The following WWOX variants were observed in gnomAD, a reference collection of about 807,000 sequenced individuals.
The protein encoded by WWOX is WW domain containing oxidoreductase.
A neutral mutation model predicts 46.2 loss-of-function variants in WWOX; 69 were observed. The observed-to-expected ratio is 1.49, with a 90% CI of 1.23 to 1.82. The LOEUF (loss-of-function observed/expected upper bound fraction) is 1.82. Ranked by LOEUF, WWOX falls within the 40% of genes most tolerant of loss-of-function variation. The pLI is 0.00. For synonymous variants in WWOX, 359 were observed against 202.6 expected, an observed-to-expected ratio of 1.77 and a Z score of -6.56; for missense variants, 919 against 542.6, an observed-to-expected ratio of 1.69 and a Z score of -6.89.
At chr16:78,798,743 ATGT>A (rs2050809444) in intron 8 of WWOX, among the ~76,000 whole-genome samples, 1 of 152,164 alleles carries the variant, frequency 6.6e-6, no homozygotes, top group Non-Finnish European at 1.5e-5. Flanking sequence ...ATGATAAATG[ATGT>A]TGTGTGTAAT....
intron 5 of WWOX, among the ~76,000 whole-genome samples, chr16:78,329,887 C>T (rs1830606323): frequency 6.6e-6 from 1 of 151,956 alleles, no homozygotes; most frequent in South Asian, 2.1e-4. Flanking sequence ...GCTGGGACTA[C>T]AGGCGTGTAC....
At chr16:78,992,068 C>A (rs1478658635) in intron 8 of WWOX, among the ~76,000 whole-genome samples, 2 of 152,170 alleles carry the variant, frequency 1.3e-5, no homozygotes, top group African/African-American at 2.4e-5. Flanking sequence ...TTAATTCGTT[C>A]ATTCTTGGAA....
chr16:78,257,983 C>T lies in WWOX; in HGVS notation c.516+93694C>T, dbSNP rs144855709. Among the ~76,000 whole-genome samples, 499 of 152,188 alleles carry T rather than the reference C, an allele frequency of 3.3e-3. 2 individuals carry two copies. The highest frequency in any genetic ancestry group is 0.011 in the African/African-American group (470 of 41,528). Reference sequence around the variant, plus strand: ...ATAAAATCTCACAAACTTTGTTTCCCAGAAAAACAACTATATTTAAATGCA... The same window carrying T: ...ATAAAATCTCACAAACTTTGTTTCCTAGAAAAACAACTATATTTAAATGCA... On this transcript the variant is annotated intron_variant, in intron 5 of 8. Coordinates refer to ENST00000566780, the MANE Select transcript of WWOX (RefSeq NM_016373.4).
chr16:78,766,532 G>A (rs957515758), intron 8 of WWOX, among the ~76,000 whole-genome samples: 4 of 152,186 alleles, frequency 2.6e-5, no homozygotes, highest in African/African-American at 9.6e-5. Context: ...AGGCTGAAGT[G>A]AGCTGTGATT....
chr16:78,849,415 CA>C (rs930313816), intron 8 of WWOX, among the ~76,000 whole-genome samples: 6 of 149,944 alleles, frequency 4.0e-5, no homozygotes, highest in African/African-American at 1.2e-4. Context: ...ATTAAAAATA[CA>C]AAAAAAAATT....
At chr16:78,486,550 T>C (rs1019925097) in intron 8 of WWOX, among the ~76,000 whole-genome samples, 1 of 131,248 alleles carries the variant, frequency 7.6e-6, no homozygotes, top group Non-Finnish European at 1.6e-5. Flanking sequence ...GTGTGTTTAA[T>C]TGACTTCCAG....
intron 8 of WWOX, among the ~76,000 whole-genome samples, chr16:78,667,431 G>A (rs1172528075): frequency 1.3e-5 from 2 of 152,104 alleles, no homozygotes. Context: ...AACACTTTGG[G>A]AGGCCGAGGC....
At chr16:78,420,594 C>T (rs566379580) in intron 6 of WWOX, among the ~76,000 whole-genome samples, 2 of 150,360 alleles carry the variant, frequency 1.3e-5, no homozygotes, top group Admixed American at 1.3e-4. Flanking sequence ...AGAAAGTACA[C>T]TGATGGTGTT....
At chr16:79,106,542 C>T (rs1253372816) in intron 8 of WWOX, 2 of 143,402 alleles carry the variant, frequency 1.4e-5, no homozygotes, top group Admixed American at 7.1e-5. Flanking sequence ...ATCAGATTTT[C>T]AAGAACTTCA....
intron 8 of WWOX, among the ~76,000 whole-genome samples, chr16:78,909,415 C>G (rs1004402018): frequency 3.3e-5 from 5 of 152,154 alleles, no homozygotes; most frequent in African/African-American, 1.2e-4. Context: ...ACCATAAACC[C>G]CACAGAAACA....
chr16:78,859,395 G>C (rs931965534), intron 8 of WWOX, among the ~76,000 whole-genome samples: 1 of 151,988 alleles, frequency 6.6e-6, no homozygotes, highest in South Asian at 2.1e-4. Context: ...GAGGTACCTT[G>C]CAGTACTTTT....
intron 8 of WWOX, among the ~76,000 whole-genome samples, chr16:79,009,437 G>C (rs1166159990): frequency 1.3e-5 from 2 of 151,968 alleles, no homozygotes; most frequent in African/African-American, 2.4e-5. Flanking sequence ...GGAGACACTG[G>C]GGCTTCTGTG....
chr16:78,847,159 G>C (rs571311323), intron 8 of WWOX, among the ~76,000 whole-genome samples: 26 of 152,092 alleles, frequency 1.7e-4, no homozygotes, highest in Non-Finnish European at 3.2e-4. Flanking sequence ...TGGAGGCTTG[G>C]TTCGTTTTAT....
At chr16:78,287,777 A>C (rs888035127) in intron 5 of WWOX, among the ~76,000 whole-genome samples, 2 of 152,078 alleles carry the variant, frequency 1.3e-5, no homozygotes, top group Non-Finnish European at 2.9e-5. Context: ...TAGGCTTCTA[A>C]TTTTTTTTCC....
chr16:78,952,179 C>A, intron 8 of WWOX, among the ~76,000 whole-genome samples: 1 of 152,024 alleles, frequency 6.6e-6, no homozygotes, highest in Non-Finnish European at 1.5e-5. Context: ...CAGTTGCCCT[C>A]CTGCAGCAGG....
chr16:78,249,693 A>C (rs996055342), intron 5 of WWOX, among the ~76,000 whole-genome samples: 1 of 152,202 alleles, frequency 6.6e-6, no homozygotes, highest in African/African-American at 2.4e-5. Flanking sequence ...GTGGACCAAA[A>C]TGATCATTTC....
intron 8 of WWOX, among the ~76,000 whole-genome samples, chr16:78,991,892 T>A: frequency 6.6e-6 from 1 of 152,150 alleles, no homozygotes. Context: ...ATCACCTCCA[T>A]AAATGTTCCT....
chr16:78,252,250 C>T lies in WWOX; in HGVS notation c.516+87961C>T, dbSNP rs145003928. On this transcript the variant is annotated intron_variant, in intron 5 of 8. Coordinates refer to ENST00000566780, the MANE Select transcript of WWOX (RefSeq NM_016373.4). ...AATGGACAGAAGCTAGCTCTGAGCA[C>T]CTCCTGATTTATGCTTTATTTAAAA... 4.1e-4 allele frequency among the ~76,000 whole-genome samples: 63 copies of T among 152,156 alleles called. 1 individual carries two copies. In the East Asian group the frequency reaches 0.011, roughly 26 times the overall value.
intron 8 of WWOX, among the ~76,000 whole-genome samples, chr16:79,076,631 C>T (rs191444921): frequency 1.4e-3 from 218 of 152,282 alleles, no homozygotes; most frequent in Non-Finnish European, 2.5e-3. Context: ...CTGTACCTAC[C>T]ACAGCTAGGT....
Sources: allele counts gnomAD v4.1 joint callset (sites outside exome capture counted in the v4.1 genomes callset), GRCh38; gene constraint gnomAD v4.1.1; transcripts MANE v1.5; gene names NCBI Gene and HGNC (gene_info 2026-07-23, HGNC 2026-07-21).